Variants in ST6GALNAC2 observed in about 807,000 individuals in gnomAD.
ST6GALNAC2 encodes alpha-N-acetylgalactosaminide alpha-2,6-sialyltransferase 2.
A neutral mutation model predicts 38.7 loss-of-function variants in ST6GALNAC2; 42 were observed. The observed-to-expected ratio is 1.09, with a 90% CI of 0.85 to 1.40. ST6GALNAC2 has a LOEUF of 1.40. Among genes scored for constraint, ST6GALNAC2 ranks in the 40% most tolerant of loss-of-function variants. The pLI is 0.00. For missense variants in ST6GALNAC2, 506 were observed against 481.7 expected (o/e 1.05, Z -0.47); for synonymous variants, 233 against 209.0 (o/e 1.11, Z -0.99).
At chr17:76,585,570 T>A in intron 1 of ST6GALNAC2, 114 bp downstream of exon 1, 6 of 1,210,752 alleles carry the variant, frequency 5.0e-6, no homozygotes, top group Non-Finnish European at 6.5e-6. Context: ...CCCAGAGGGG[T>A]CCACGCGGAG....
At chr17:76,574,674 CA>C (rs1420902270) in intron 2 of ST6GALNAC2, 135 bp from the exon 3 acceptor site, 7 of 697,610 alleles carry the variant, frequency 1.0e-5, no homozygotes, top group Non-Finnish European at 1.6e-5. Context: ...GCCATCCTTG[CA>C]TTTTTTTTTT....
rs2075368054 is a variant in ST6GALNAC2, at chr17:76,572,794, C to T, written c.531-19G>A. The stretch of plus-strand genomic sequence containing the variant: ...ATTGAGTCTGGTTGGCACAGAGGCC[C>T]ATCAGTGTCTGCGGTTACACCAGGC... On this transcript the variant is annotated intron_variant, in intron 4 of 8. Coordinates refer to ENST00000225276, the MANE Select transcript of ST6GALNAC2 (RefSeq NM_006456.3). The T allele has an allele frequency of 2.5e-6, 4 of 1,613,856 alleles. No individual in the cohort carries two copies. Among genetic ancestry groups the T allele is most frequent in the Middle Eastern group, 1.6e-4 (1 of 6,062 alleles).
intron 2 of ST6GALNAC2, among the ~76,000 whole-genome samples, chr17:76,577,699 A>G (rs896889509): frequency 4.6e-5 from 7 of 151,452 alleles, no homozygotes; most frequent in African/African-American, 1.7e-4. Flanking sequence ...CAGTCTCCCA[A>G]GTAGCTGGGA....
At chr17:76,575,768 C>T (rs1233678333) in intron 2 of ST6GALNAC2, among the ~76,000 whole-genome samples, 4 of 152,220 alleles carry the variant, frequency 2.6e-5, no homozygotes, top group African/African-American at 9.7e-5. Context: ...CGTGACCCCA[C>T]AAGTTCAGAA....
chr17:76,579,552 T>C (rs895129568), intron 1 of ST6GALNAC2, among the ~76,000 whole-genome samples: 8 of 152,246 alleles, frequency 5.3e-5, no homozygotes, highest in Non-Finnish European at 1.0e-4. Flanking sequence ...TGGCTCTTGC[T>C]ATGGTTTGAA....
chr17:76,578,475 C>T (rs140908812), intron 2 of ST6GALNAC2, among the ~76,000 whole-genome samples: 112 of 152,238 alleles, frequency 7.4e-4, no homozygotes, highest in African/African-American at 2.6e-3. Context: ...ATAAAATTCA[C>T]AGGACTATTT....
chr17:76,568,003 T>G (rs1567926206), intron 7 of ST6GALNAC2: 1 of 174,738 alleles, frequency 5.7e-6, no homozygotes, highest in South Asian at 1.2e-4. Flanking sequence ...CACATCGAGC[T>G]GTGCCAGGCC....
At chr17:76,569,335 G>C in intron 6 of ST6GALNAC2, 4 of 359,568 alleles carry the variant, frequency 1.1e-5, no homozygotes, top group Non-Finnish European at 1.9e-5. Flanking sequence ...CACAGCGGGG[G>C]TTAGGGAAGG....
chr17:76,584,185 A>G, intron 1 of ST6GALNAC2, among the ~76,000 whole-genome samples: 1 of 123,356 alleles, frequency 8.1e-6, no homozygotes, highest in East Asian at 2.5e-4. Flanking sequence ...CATATCCATC[A>G]CCTCGAACTT....
At chr17:76,566,370 G>C (rs1156532239) in intron 8 of ST6GALNAC2, 99 bp from the exon 9 acceptor site, 4 of 1,312,416 alleles carry the variant, frequency 3.0e-6, no homozygotes, top group Non-Finnish European at 4.3e-6. Flanking sequence ...TCCGTCTGCT[G>C]AGGTGAGGAT....
chr17:76,569,223 C>A, intron 6 of ST6GALNAC2: 2 of 346,216 alleles, frequency 5.8e-6, no homozygotes, highest in Non-Finnish European at 9.5e-6. Context: ...GGGGCTCCTT[C>A]AGAAAGCGGG....
At chr17:76,570,487 C>T (rs1477529357) in intron 6 of ST6GALNAC2, 78 bp downstream of exon 6, 2 of 1,018,244 alleles carry the variant, frequency 2.0e-6, no homozygotes, top group East Asian at 2.6e-5. Context: ...ATGATGGGCC[C>T]TGGGAGCAAA....
chr17:76,566,214 C>G lies in ST6GALNAC2; in HGVS notation c.1015G>C (p.Glu339Gln). Residue 339 changes from glutamate to glutamine, a missense_variant, in exon 9 of 9, where the codon GAA (glutamate) becomes CAA (glutamine). Glu to Gln is a conservative substitution (Grantham distance 29). Transcript: ENST00000225276. ...NYWKFSDHYF[E>Q]RKMKPLIFYA... ...AATATCAATGGCTTCATTTTTCGTT[C>G]GAAATAGTGGTCGGAAAATTTCCAG... is the stretch of plus-strand genomic sequence containing the variant. The G allele has an allele frequency of 6.2e-6, 10 of 1,614,022 alleles. No individual in the cohort carries two copies. The highest frequency in any genetic ancestry group is 2.2e-5 in the East Asian group (1 of 44,884).
chr17:76,566,186 T>C lies in ST6GALNAC2; in HGVS notation c.1043A>G (p.Tyr348Cys). ...TTCCAGGGACAGATCGTGGTTTGCA[T>C]AAAATATCAATGGCTTCATTTTTCG... is the stretch of plus-strand genomic sequence containing the variant. ...FERKMKPLIFYANHDLSLEAA... is the reference protein window; with the variant it reads ...FERKMKPLIFCANHDLSLEAA... Residue 348 changes from tyrosine to cysteine, a missense_variant, in exon 9 of 9, where the codon TAT (tyrosine) becomes TGT (cysteine). Tyr to Cys is a radical substitution (Grantham distance 194, BLOSUM62 -2). Coordinates refer to ENST00000225276, the MANE Select transcript of ST6GALNAC2 (RefSeq NM_006456.3). The C allele has an allele frequency of 6.2e-7, 1 of 1,614,116 alleles. No individual in the cohort carries two copies. The highest frequency in any genetic ancestry group is 8.5e-7 in the Non-Finnish European group (1 of 1,180,044).
At chr17:76,568,373 T>G in intron 7 of ST6GALNAC2, 1 of 294,966 alleles carries the variant, frequency 3.4e-6, no homozygotes, top group Non-Finnish European at 6.5e-6. Context: ...GTTGGCTGTG[T>G]TTGGGCCTGA....
chr17:76,568,632 C>T (rs1005653492), intron 7 of ST6GALNAC2, 81 bp downstream of exon 7: 55 of 1,405,482 alleles, frequency 3.9e-5, no homozygotes, highest in South Asian at 2.7e-4. Flanking sequence ...GGGGCTCGTG[C>T]GAGGGCGCTG....
At chr17:76,580,719 CA>C (rs113839089) in intron 1 of ST6GALNAC2, among the ~76,000 whole-genome samples, 9 of 110,518 alleles carry the variant, frequency 8.1e-5, no homozygotes, top group Non-Finnish European at 1.1e-4. Flanking sequence ...GACTCCATCT[CA>C]AAAAAAAAAA....
chr17:76,567,398 G>T (rs753930089), intron 8 of ST6GALNAC2, 55 bp downstream of exon 8: 859 of 1,300,492 alleles, frequency 6.6e-4, no homozygotes, highest in Non-Finnish European at 8.3e-4. Flanking sequence ...ATCCTGTTGG[G>T]TTCTGTTATC....
chr17:76,570,707 G>A (rs1181760903), intron 5 of ST6GALNAC2, 39 bp from the exon 6 acceptor site: 1 of 1,515,358 alleles, frequency 6.6e-7, no homozygotes, highest in Non-Finnish European at 9.1e-7. Flanking sequence ...GGGGAACCAG[G>A]ACATGTTTAG....
Sources: allele counts gnomAD v4.1 joint callset (sites outside exome capture counted in the v4.1 genomes callset), GRCh38; gene constraint gnomAD v4.1.1; transcripts MANE v1.5; gene names NCBI Gene and HGNC (gene_info 2026-07-23, HGNC 2026-07-21).